The following PEX14 variants were observed in gnomAD, a reference collection of about 807,000 sequenced individuals.
The protein encoded by PEX14 is peroxisomal membrane protein PEX14.
A neutral mutation model predicts 49.5 loss-of-function variants in PEX14; 15 were observed. The observed-to-expected ratio is 0.30, with a 90% CI of 0.20 to 0.47. PEX14 has a LOEUF of 0.47. PEX14 is among the 20% of genes least tolerant of loss of function. The pLI, the probability that PEX14 is intolerant of heterozygous loss-of-function variation, is 1.00. For synonymous variants in PEX14, 210 were observed against 212.7 expected, an observed-to-expected ratio of 0.99 and a Z score of 0.11; for missense variants, 398 against 494.8, an observed-to-expected ratio of 0.80 and a Z score of 1.86.
intron 1 of PEX14, among the ~76,000 whole-genome samples, chr1:10,486,688 T>TC (rs1233681273): frequency 1.1e-5 from 1 of 87,280 alleles, no homozygotes; most frequent in African/African-American, 3.5e-5. Flanking sequence ...AGACTCTGTC[T>TC]CTTTTTTTTT....
intron 3 of PEX14, among the ~76,000 whole-genome samples, chr1:10,589,197 C>T (rs1484759187): frequency 6.6e-6 from 1 of 152,128 alleles, no homozygotes; most frequent in African/African-American, 2.4e-5. Flanking sequence ...GGTTTAATAC[C>T]AGACGACATA....
chr1:10,583,393 T>C (rs1049777688), intron 3 of PEX14, among the ~76,000 whole-genome samples: 48 of 144,730 alleles, frequency 3.3e-4, no homozygotes, highest in African/African-American at 1.2e-3. Context: ...CTTTTTTTTT[T>C]TTTTTTTTTA....
At chr1:10,627,455 C>A (rs546390853) in intron 8 of PEX14, 92 bp downstream of exon 8, 3 of 894,272 alleles carry the variant, frequency 3.4e-6, no homozygotes, top group Non-Finnish European at 5.6e-6. Flanking sequence ...CGCCCACCCC[C>A]ACCCCCAAGG....
At chr1:10,546,865 T>C (rs1178960214) in intron 3 of PEX14, among the ~76,000 whole-genome samples, 1 of 151,644 alleles carries the variant, frequency 6.6e-6, no homozygotes, top group Non-Finnish European at 1.5e-5. Flanking sequence ...TGAGACTCCA[T>C]CTCAAAAAAA....
At chr1:10,564,595 C>CTTTTTTTTTT (rs58926587) in intron 3 of PEX14, among the ~76,000 whole-genome samples, 2 of 107,142 alleles carry the variant, frequency 1.9e-5, no homozygotes, top group African/African-American at 6.4e-5. Context: ...CTTTTTCTTT[C>CTTTTTTTTTT]TTTTTTTTTT....
chr1:10,554,563 T>C (rs1639432027), intron 3 of PEX14, among the ~76,000 whole-genome samples: 1 of 152,184 alleles, frequency 6.6e-6, no homozygotes, highest in Non-Finnish European at 1.5e-5. Context: ...TCTCTTGGCA[T>C]TGCAGCTGCA....
At chr1:10,590,076 C>T (rs1001936058) in intron 3 of PEX14, among the ~76,000 whole-genome samples, 1 of 152,222 alleles carries the variant, frequency 6.6e-6, no homozygotes, top group Non-Finnish European at 1.5e-5. Context: ...TGGCCCTCCA[C>T]CCTGCAGCAG....
At chr1:10,560,621 T>C (rs578058620) in intron 3 of PEX14, among the ~76,000 whole-genome samples, 1 of 151,680 alleles carries the variant, frequency 6.6e-6, no homozygotes, top group South Asian at 2.1e-4. Context: ...TCTGCCTGCC[T>C]CAACCTCCCA....
chr1:10,510,773 G>C (rs1049722982), intron 2 of PEX14, among the ~76,000 whole-genome samples: 1 of 152,174 alleles, frequency 6.6e-6, no homozygotes, highest in African/African-American at 2.4e-5. Context: ...GAGTTGGATT[G>C]CACAGTTGCT....
chr1:10,558,814 T>C (rs567040972), intron 3 of PEX14, among the ~76,000 whole-genome samples: 64 of 151,966 alleles, frequency 4.2e-4, no homozygotes, highest in African/African-American at 1.4e-3. Flanking sequence ...ACTCTTTCCA[T>C]CCACGGATGT....
chr1:10,494,549 G>A lies in PEX14; in HGVS notation c.37-725G>A, dbSNP rs895467860. Among the ~76,000 whole-genome samples the A allele has an allele frequency of 3.3e-5, 5 of 152,206 alleles. No homozygotes were observed. The highest frequency in any genetic ancestry group is 4.1e-4 in the South Asian group (2 of 4,824). On this transcript the variant is annotated intron_variant, in intron 1 of 8. Coordinates refer to ENST00000356607, the MANE Select transcript of PEX14 (RefSeq NM_004565.3). The surrounding 1 kb of genome is among the most constrained non-coding windows in gnomAD (Gnocchi z 4.3). ...GCCAGATCAGTCAAGGGTCGAAGGC[G>A]CCTGTGAGGGTGAGGTAGTGGCCCC... is the stretch of plus-strand genomic sequence containing the variant.
chr1:10,600,983 C>T (rs925396282), intron 4 of PEX14, among the ~76,000 whole-genome samples: 2 of 151,108 alleles, frequency 1.3e-5, no homozygotes, highest in African/African-American at 2.4e-5. Flanking sequence ...ACAGACAGGC[C>T]GGGCGCGGTG....
chr1:10,556,753 T>C (rs1214772787), intron 3 of PEX14, among the ~76,000 whole-genome samples: 1 of 152,226 alleles, frequency 6.6e-6, no homozygotes, highest in African/African-American at 2.4e-5. Flanking sequence ...ATGGAAACTT[T>C]TCAGTAATAA....
At chr1:10,481,392 G>A (rs947029621) in intron 1 of PEX14, among the ~76,000 whole-genome samples, 89 of 151,630 alleles carry the variant, frequency 5.9e-4, no homozygotes, top group Middle Eastern at 3.4e-3. Flanking sequence ...CACCCACCTC[G>A]GCCTCCCACA....
intron 3 of PEX14, among the ~76,000 whole-genome samples, chr1:10,571,563 C>T (rs1639977941): frequency 6.6e-6 from 1 of 152,052 alleles, no homozygotes; most frequent in Non-Finnish European, 1.5e-5. Flanking sequence ...AATCCCAGCA[C>T]TTTGGGAGGC....
Position 10,588,656 on chromosome 1 carries a change from C to T in PEX14, c.170-10582C>T, listed in dbSNP as rs190975181. 3.3e-5 allele frequency among the ~76,000 whole-genome samples: 5 copies of T among 152,304 alleles called. No individual in the cohort carries two copies. The East Asian group carries it at 7.7e-4, about 23-fold the overall frequency. On this transcript the variant is annotated intron_variant, in intron 3 of 8. Coordinates refer to ENST00000356607, the MANE Select transcript of PEX14 (RefSeq NM_004565.3). ...CTTATCCATGCTGTGGACGCCTCCA[C>T]CTGGCAGTCACTTAGTAGCCCTCAT...
rs1641686317 is a variant in PEX14 at position 10,624,414 on chromosome 1, G to A, written c.562G>A (p.Ala188Thr). The change falls in exon 7 of 9, where the codon GCC (alanine) becomes ACC (threonine). Residue 188 changes from alanine to threonine, a missense_variant. By Grantham distance (58) the Ala-to-Thr change is moderately conservative. Around this residue, in one of 3 missense-constraint regions of PEX14, gnomAD observed 202 missense variants for 298.5 expected, o/e 0.68. Transcript: ENST00000356607. ...IQQQQKIQEL[A>T]HELAAAKATT... ...GCAGCAGCAGAAGATCCAGGAGCTT[G>A]CCCACGAGCTGGCCGCTGCCAAGGT... is the stretch of plus-strand genomic sequence containing the variant. 6.2e-7 allele frequency: 1 copy of A among 1,612,618 alleles called. No individual in the cohort carries two copies. Among genetic ancestry groups the A allele is most frequent in the African/African-American group, 1.3e-5 (1 of 74,914 alleles).
chr1:10,480,933 T>A (rs1164417610), intron 1 of PEX14, among the ~76,000 whole-genome samples: 1 of 151,718 alleles, frequency 6.6e-6, no homozygotes, highest in Non-Finnish European at 1.5e-5. Context: ...CCTAGAATAT[T>A]TCACCTTATC....
Position 10,539,321 on chromosome 1 carries a change from A to G in PEX14, c.169+3024A>G, listed in dbSNP as rs1260101352. ...CTTTCGGATGCTTTAAAATCTGAACATGGAGCCATTAATGAGAAACGTGAA... is the reference window on the plus strand; with the variant it reads ...CTTTCGGATGCTTTAAAATCTGAACGTGGAGCCATTAATGAGAAACGTGAA... On this transcript the variant is annotated intron_variant, in intron 3 of 8. Coordinates refer to ENST00000356607, the MANE Select transcript of PEX14 (RefSeq NM_004565.3). This position sits in a 1 kb window ranked among gnomAD's most constrained non-coding sequence, Gnocchi z 4.6. 6.6e-6 allele frequency among the ~76,000 whole-genome samples: 1 copy of G among 152,124 alleles called. No individual in the cohort carries two copies. Among genetic ancestry groups the G allele is most frequent in the African/African-American group, 2.4e-5 (1 of 41,418 alleles).
Sources: allele counts gnomAD v4.1 joint callset (sites outside exome capture counted in the v4.1 genomes callset), GRCh38; gene constraint gnomAD v4.1.1; regional missense constraint gnomAD v4.1.1; non-coding constraint Gnocchi (gnomAD v3.1); transcripts MANE v1.5; gene names NCBI Gene and HGNC (gene_info 2026-07-23, HGNC 2026-07-21).